BAIAP2L1: variants seen among roughly 807,000 people sequenced by gnomAD.
The protein encoded by BAIAP2L1 is BAR/IMD domain-containing adapter protein 2-like 1.
BAIAP2L1 carries 35 observed loss-of-function variants against 66.3 expected under a neutral mutation model. That is an observed-to-expected ratio of 0.53 (90% CI 0.40 to 0.70). The LOEUF (loss-of-function observed/expected upper bound fraction) is 0.70. Among genes scored for constraint, BAIAP2L1 ranks in the 30% least tolerant of loss-of-function variants. BAIAP2L1 has a pLI of 0.00. For synonymous variants in BAIAP2L1, 269 were observed against 248.7 expected (o/e 1.08, Z -0.77); for missense variants, 622 against 656.9 (o/e 0.95, Z 0.58).
intron 3 of BAIAP2L1, chr7:98,322,911 C>T (rs1801289359): frequency 6.6e-6 from 1 of 152,290 alleles, no homozygotes; most frequent in Non-Finnish European, 1.5e-5. Flanking sequence ...CCTCTGCAAA[C>T]AGTGCTACCT....
chr7:98,306,141 G>A (rs778218504), intron 11 of BAIAP2L1, among the ~76,000 whole-genome samples: 3 of 152,300 alleles, frequency 2.0e-5, no homozygotes, highest in African/African-American at 4.8e-5. Flanking sequence ...AGATAAGGAC[G>A]GAAAACACAT....
intron 1 of BAIAP2L1, among the ~76,000 whole-genome samples, chr7:98,389,797 T>C (rs1423473267): frequency 1.3e-5 from 2 of 152,062 alleles, no homozygotes; most frequent in Admixed American, 1.3e-4. Flanking sequence ...GAACAAACTA[T>C]AGAAATGACC....
At chr7:98,316,844 C>T (rs750563824) in intron 6 of BAIAP2L1, among the ~76,000 whole-genome samples, 1 of 152,080 alleles carries the variant, frequency 6.6e-6, no homozygotes. Flanking sequence ...CTACTCCCCA[C>T]TTCCATGAGA....
At chr7:98,310,302 C>CA (rs1416756255) in intron 9 of BAIAP2L1, 143 bp downstream of exon 9, 3 of 866,742 alleles carry the variant, frequency 3.5e-6, no homozygotes, top group Non-Finnish European at 5.1e-6. Flanking sequence ...TCACGCTCTG[C>CA]AAAGCCAGGG....
At chr7:98,340,508 C>T (rs1313786621) in intron 3 of BAIAP2L1, among the ~76,000 whole-genome samples, 1 of 151,924 alleles carries the variant, frequency 6.6e-6, no homozygotes, top group African/African-American at 2.4e-5. Context: ...AGGATGGTCT[C>T]GATCTCCTGG....
intron 3 of BAIAP2L1, among the ~76,000 whole-genome samples, chr7:98,340,784 C>T (rs1278220931): frequency 5.5e-5 from 8 of 145,458 alleles, no homozygotes; most frequent in Non-Finnish European, 1.1e-4. Context: ...ACAGTACATG[C>T]TCTTACAGGT....
chr7:98,318,479 A>T (rs538725675), intron 5 of BAIAP2L1, among the ~76,000 whole-genome samples: 1 of 151,836 alleles, frequency 6.6e-6, no homozygotes, highest in African/African-American at 2.4e-5. Context: ...ACCAGGTTTC[A>T]CCATGTCAGC....
At chr7:98,356,071 T>C (rs1311038227) in intron 2 of BAIAP2L1, among the ~76,000 whole-genome samples, 1 of 152,200 alleles carries the variant, frequency 6.6e-6, no homozygotes, top group Non-Finnish European at 1.5e-5. Context: ...TGGGTTCTAA[T>C]TATCTTAAAA....
chr7:98,336,503 C>A (rs966114740), intron 3 of BAIAP2L1, among the ~76,000 whole-genome samples: 2 of 152,138 alleles, frequency 1.3e-5, no homozygotes, highest in Non-Finnish European at 2.9e-5. Context: ...GTAGTTCCAG[C>A]TACTTGGGAG....
At chr7:98,347,568 G>A (rs557173197) in intron 3 of BAIAP2L1, among the ~76,000 whole-genome samples, 2 of 152,176 alleles carry the variant, frequency 1.3e-5, no homozygotes, top group Non-Finnish European at 2.9e-5. Flanking sequence ...GAGGTCAGGA[G>A]ATCGAGACCA....
intron 3 of BAIAP2L1, among the ~76,000 whole-genome samples, chr7:98,339,914 C>G (rs575689419): frequency 6.6e-6 from 1 of 152,204 alleles, no homozygotes; most frequent in East Asian, 1.9e-4. Flanking sequence ...GCGCCACCCC[C>G]CCTCGCCATG....
rs2054357251 is a variant in BAIAP2L1, at chr7:98,318,064, G to GCAGCAGCCAGCTGTTCACAGCT, written c.349-709_349-708insAGCTGTGAACAGCTGGCTGCTG. ...AACTCACACCATCTGCATGCTGGCT[G>GCAGCAGCCAGCTGTTCACAGCT]GGACCCTCAACCCGCAGTTCACACC... On this transcript the variant is annotated intron_variant, in intron 5 of 13. Coordinates refer to ENST00000005260, the MANE Select transcript of BAIAP2L1 (RefSeq NM_018842.5). Among the ~76,000 whole-genome samples the GCAGCAGCCAGCTGTTCACAGCT allele has an allele frequency of 3.9e-5, 6 of 152,126 alleles. No individual in the cohort carries two copies. The South Asian group carries it at 1.2e-3, about 31-fold the overall frequency.
chr7:98,304,135 C>T (rs1002105419), intron 12 of BAIAP2L1, 61 bp downstream of exon 12: 34 of 1,471,920 alleles, frequency 2.3e-5, no homozygotes, highest in Admixed American at 1.0e-4. Context: ...ACAGGACCTG[C>T]GCCTCCCAGT....
chr7:98,365,890 T>C (rs1422105876), intron 1 of BAIAP2L1, among the ~76,000 whole-genome samples: 1 of 152,226 alleles, frequency 6.6e-6, no homozygotes, highest in Non-Finnish European at 1.5e-5. Context: ...TATCATCTCC[T>C]GATTACCTTT....
chr7:98,364,195 A>T (rs922507231), intron 1 of BAIAP2L1, among the ~76,000 whole-genome samples: 1 of 152,112 alleles, frequency 6.6e-6, no homozygotes, highest in Non-Finnish European at 1.5e-5. Context: ...ATGACTTTGC[A>T]CTAAGGCTGA....
At chr7:98,398,750 T>C (rs1468348760) in intron 1 of BAIAP2L1, among the ~76,000 whole-genome samples, 1 of 152,138 alleles carries the variant, frequency 6.6e-6, no homozygotes, top group Non-Finnish European at 1.5e-5. Flanking sequence ...GTACGGTCCC[T>C]CTAAGGAGTT....
At chr7:98,306,006 T>TG (rs1800642711) in intron 11 of BAIAP2L1, among the ~76,000 whole-genome samples, 3 of 151,758 alleles carry the variant, frequency 2.0e-5, no homozygotes, top group South Asian at 2.1e-4. Flanking sequence ...AGAAGAGGGG[T>TG]GCAAAGAGCT....
rs1004296043 is a variant in BAIAP2L1, at chr7:98,321,893, C to T, written c.215-1595G>A. Among the ~76,000 whole-genome samples, 182 of 152,128 alleles carry T rather than the reference C, an allele frequency of 1.2e-3. 1 individual carries two copies. The highest frequency in any genetic ancestry group is 4.3e-3 in the African/African-American group (177 of 41,508). On this transcript the variant is annotated intron_variant, in intron 3 of 13. Transcript: ENST00000005260. ...TGGGAGTATCACGAGGTAAGGAGTT[C>T]GAGACCATCCTGGCCAACACGGTGA...
intron 1 of BAIAP2L1, among the ~76,000 whole-genome samples, chr7:98,370,364 C>G (rs1289732603): frequency 9.4e-6 from 1 of 106,720 alleles, no homozygotes; most frequent in Non-Finnish European, 1.9e-5. Context: ...CAGAGTAAGG[C>G]TCCGTCTCAA....
Sources: gnomAD v4.1 joint callset for allele counts (sites outside exome capture counted in the v4.1 genomes callset) on GRCh38, gnomAD v4.1.1 for gene constraint, MANE v1.5 for transcripts, NCBI Gene and HGNC (gene_info 2026-07-23, HGNC 2026-07-21) for gene names.